PRSS54: variants seen among roughly 807,000 people sequenced by gnomAD.
PRSS54 encodes the protein inactive serine protease 54.
Under a neutral mutation model 19.9 loss-of-function variants are expected in PRSS54, and 16 were observed. That is an observed-to-expected ratio of 0.80 (90% CI 0.54 to 1.22). PRSS54 has a LOEUF of 1.22. PRSS54 is among the 50% of genes most tolerant of loss of function. PRSS54 has a pLI of 0.00. For synonymous variants in PRSS54, 177 were observed against 195.8 expected (o/e 0.90, Z 0.80); for missense variants, 444 against 494.8 (o/e 0.90, Z 0.97).
chr16:58,283,764 T>A (rs1295056606), intron 6 of PRSS54: 1 of 152,144 alleles, frequency 6.6e-6, no homozygotes, highest in Non-Finnish European at 1.5e-5. Context: ...TACACCAACT[T>A]TGGAAGGGCA....
At chr16:58,283,650 A>G (rs1964838996) in intron 6 of PRSS54, 1 of 152,154 alleles carries the variant, frequency 6.6e-6, no homozygotes, top group Non-Finnish European at 1.5e-5. Context: ...TTTTGTTAAA[A>G]AGCTATATCT....
At chr16:58,294,863 C>G (rs1216357257) in intron 1 of PRSS54, 24 bp downstream of exon 1, 1 of 152,662 alleles carries the variant, frequency 6.6e-6, no homozygotes, top group Non-Finnish European at 1.5e-5. Flanking sequence ...GCCCAAGGAA[C>G]CCATGTGCAC....
intron 5 of PRSS54, 91 bp from the exon 6 acceptor site, chr16:58,284,812 T>A: frequency 7.0e-7 from 1 of 1,421,010 alleles, no homozygotes; most frequent in Non-Finnish European, 9.4e-7. Flanking sequence ...CAAACGAGAG[T>A]GAGAATTTTT....
chr16:58,287,202 T>C (rs908260385), intron 4 of PRSS54, among the ~76,000 whole-genome samples: 1 of 152,218 alleles, frequency 6.6e-6, no homozygotes, highest in Non-Finnish European at 1.5e-5. Context: ...CTATCTCCAG[T>C]AGTGTTGCGT....
Position 58,280,649 on chromosome 16 carries a change from T to G in PRSS54, c.763A>C (p.Thr255Pro). The G allele has an allele frequency of 6.2e-7, 1 of 1,614,130 alleles. No homozygotes were observed. The highest frequency in any genetic ancestry group is 8.5e-7 in the Non-Finnish European group (1 of 1,180,022). Residue 255 changes from threonine to proline, a missense_variant, in exon 7 of 7, where the codon ACC (threonine) becomes CCC (proline). Coordinates refer to ENST00000567164, the MANE Select transcript of PRSS54 (RefSeq NM_001305173.2). The part of the protein sequence containing the change: ...GETCPGLFLY[T>P]KVEDYSKWIT... ...CATTTGCTGTAGTCTTCCACCTTGGTGTACAGAAACAGGCCAGGGCACGTC... is the reference window on the plus strand; with the variant it reads ...CATTTGCTGTAGTCTTCCACCTTGGGGTACAGAAACAGGCCAGGGCACGTC...
intron 4 of PRSS54, among the ~76,000 whole-genome samples, chr16:58,290,091 ACATATATT>A (rs1178664521): frequency 1.3e-5 from 2 of 149,554 alleles, no homozygotes; most frequent in Non-Finnish European, 3.0e-5. Flanking sequence ...ATACATATAT[ACATATATT>A]ACAATATCAT....
At chr16:58,284,533 C>G (rs1050907962) in intron 6 of PRSS54, 57 bp downstream of exon 6, 2 of 1,606,946 alleles carry the variant, frequency 1.2e-6, no homozygotes, top group South Asian at 1.1e-5. Context: ...TGAGGCTCCC[C>G]TGGATGTGAC....
chr16:58,287,765 G>A (rs1964950136), intron 4 of PRSS54, among the ~76,000 whole-genome samples: 1 of 152,158 alleles, frequency 6.6e-6, no homozygotes. Flanking sequence ...GGACTTGAGT[G>A]ACAAAGAAGG....
At position 58,293,592 on chromosome 16, in the gene PRSS54, A is replaced by G. The variant is rs569204130; in HGVS notation, c.85+140T>C. On this transcript the variant is annotated intron_variant, in intron 3 of 6. Transcript: ENST00000567164. ...TTTGCCTGGTTCCTGCCACCAATGC[A>G]GGCCGCCCGGTGCAAAGTGCCGTGA... is the stretch of plus-strand genomic sequence containing the variant. The G allele has an allele frequency of 1.7e-4, 248 of 1,487,276 alleles. No homozygotes were observed. In the African/African-American group the frequency reaches 3.2e-3, roughly 19 times the overall value. 92.1% of individuals were successfully genotyped at this position (1,487,276 alleles called of 1,614,324 possible).
At chr16:58,290,858 A>C in intron 4 of PRSS54, 101 bp downstream of exon 4, 2 of 1,326,712 alleles carry the variant, frequency 1.5e-6, no homozygotes, top group East Asian at 2.3e-5. Flanking sequence ...CTGTCCCCCC[A>C]GAATGCACCT....
At position 58,284,685 on chromosome 16, in the gene PRSS54, T is replaced by C; in HGVS notation, c.559A>G (p.Ile187Val). ...CACATGTCAAGATCTTTCACGAAGA[T>C]TTTCCTCAGGACACTCATCGTCATG... Reference protein sequence around the residue: ...NHMTMSVLRKIFVKDLDMCPL... With the variant: ...NHMTMSVLRKVFVKDLDMCPL... Residue 187 changes from isoleucine to valine, a missense_variant, in exon 6 of 7, where the codon ATC becomes GTC. Coordinates refer to ENST00000567164, the MANE Select transcript of PRSS54 (RefSeq NM_001305173.2). 6.2e-7 allele frequency: 1 copy of C among 1,614,118 alleles called. No homozygotes were observed. Among genetic ancestry groups the C allele is most frequent in the Non-Finnish European group, 8.5e-7 (1 of 1,179,994 alleles).
Position 58,293,767 on chromosome 16 carries a change from A to T in PRSS54, c.50T>A (p.Leu17His), listed in dbSNP as rs111720939. Residue 17 changes from leucine (L) to histidine (H), a missense_variant, in exon 3 of 7, where the codon CTC (leucine) becomes CAC (histidine). By Grantham distance (99) the Leu-to-His change is moderately conservative. Transcript: ENST00000567164. ...LSGDGKMRGVLLVLLGLLYSS... is the reference protein window; with the variant it reads ...LSGDGKMRGVHLVLLGLLYSS... ...ATAGAGAAGGCCGAGCAGCACCAGG[A>T]GCACCCCTCGCATCTTGCCATCCCC... 6.2e-7 allele frequency: 1 copy of T among 1,613,466 alleles called. No individual in the cohort carries two copies. Among genetic ancestry groups the T allele is most frequent in the Non-Finnish European group, 8.5e-7 (1 of 1,179,814 alleles).
At chr16:58,287,421 G>A (rs916939200) in intron 4 of PRSS54, among the ~76,000 whole-genome samples, 3 of 152,332 alleles carry the variant, frequency 2.0e-5, no homozygotes, top group East Asian at 1.9e-4. Context: ...AGGTAACAAC[G>A]CTGTGCTGAC....
intron 5 of PRSS54, 79 bp from the exon 6 acceptor site, chr16:58,284,800 G>T (rs1964871678): frequency 6.6e-7 from 1 of 1,504,104 alleles, no homozygotes; most frequent in Non-Finnish European, 9.1e-7. Flanking sequence ...CACTCATATA[G>T]CCAAACGAGA....
intron 4 of PRSS54, 92 bp downstream of exon 4, chr16:58,290,867 C>A (rs1358344976): frequency 2.1e-6 from 3 of 1,433,182 alleles, no homozygotes; most frequent in East Asian, 2.3e-5. Flanking sequence ...CAGAATGCAC[C>A]TTTCAGGGCC....
chr16:58,291,114 G>A lies in PRSS54; in HGVS notation c.108C>T (p.Ser36=). The A allele has an allele frequency of 2.5e-6, 4 of 1,614,092 alleles. No individual in the cohort carries two copies. The highest frequency in any genetic ancestry group is 2.7e-5 in the African/African-American group (2 of 75,062). Reference sequence around the variant, plus strand: ...CCTTGGGGTCAGGACCGTAGAAAACGGAAGCTTTCTGGACGCCACAACCTG... The same window carrying A: ...CCTTGGGGTCAGGACCGTAGAAAACAGAAGCTTTCTGGACGCCACAACCTG... The part of the protein sequence containing the change: ...SSTSCGVQKA[S]VFYGPDPKEG... The change falls in exon 4 of 7, where the codon TCC becomes TCT. Residue 36 remains serine (S), a synonymous_variant. Transcript: ENST00000567164.
At chr16:58,289,980 A>G (rs1240827710) in intron 4 of PRSS54, among the ~76,000 whole-genome samples, 1 of 151,938 alleles carries the variant, frequency 6.6e-6, no homozygotes, top group East Asian at 1.9e-4. Flanking sequence ...AGCCAATTAT[A>G]GTCATTATTC....
intron 4 of PRSS54, among the ~76,000 whole-genome samples, chr16:58,289,265 C>T (rs532706422): frequency 0.018 from 2,808 of 152,284 alleles, 52 homozygotes; most frequent in African/African-American, 0.046. Flanking sequence ...CTTAGACTTT[C>T]AGCCTCCAAA....
chr16:58,280,651 T>C lies in PRSS54; in HGVS notation c.761A>G (p.Tyr254Cys). Residue 254 changes from tyrosine (Y) to cysteine (C), a missense_variant, in exon 7 of 7, where the codon TAC (tyrosine) becomes TGC (cysteine). Tyr to Cys is a radical substitution (Grantham distance 194). Transcript: ENST00000567164. The stretch of plus-strand genomic sequence containing the variant: ...TTTGCTGTAGTCTTCCACCTTGGTG[T>C]ACAGAAACAGGCCAGGGCACGTCTC... ...GGETCPGLFL[Y>C]TKVEDYSKWI... 6.2e-7 allele frequency: 1 copy of C among 1,614,128 alleles called. No individual in the cohort carries two copies. The highest frequency in any genetic ancestry group is 8.5e-7 in the Non-Finnish European group (1 of 1,180,026).
Sources: gnomAD v4.1 joint callset for allele counts (sites outside exome capture counted in the v4.1 genomes callset) on GRCh38, gnomAD v4.1.1 for gene constraint, MANE v1.5 for transcripts, NCBI Gene and HGNC (gene_info 2026-07-23, HGNC 2026-07-21) for gene names.